ALKBH1: variants seen among roughly 807,000 people sequenced by gnomAD.
The protein encoded by ALKBH1 is nucleic acid dioxygenase ALKBH1.
A neutral mutation model predicts 36.6 loss-of-function variants in ALKBH1; 31 were observed. That is an observed-to-expected ratio of 0.85 (90% CI 0.64 to 1.14). The LOEUF is 1.14. Among genes scored for constraint, ALKBH1 ranks in the 50% most tolerant of loss-of-function variants. ALKBH1 has a pLI of 0.00. For missense variants in ALKBH1, 490 were observed against 497.3 expected, an observed-to-expected ratio of 0.99 and a Z score of 0.14; for synonymous variants, 183 against 186.6, an observed-to-expected ratio of 0.98 and a Z score of 0.16.
intron 1 of ALKBH1, among the ~76,000 whole-genome samples, chr14:77,707,393 C>G (rs2080400333): frequency 6.6e-6 from 1 of 152,220 alleles, no homozygotes; most frequent in Non-Finnish European, 1.5e-5. Context: ...GAGGAGAAGA[C>G]AGGGACTAGT....
At chr14:77,702,495 G>A (rs1249463993) in intron 2 of ALKBH1, among the ~76,000 whole-genome samples, 1 of 151,704 alleles carries the variant, frequency 6.6e-6, no homozygotes, top group African/African-American at 2.4e-5. Flanking sequence ...ATAGAGTCCT[G>A]GCCATTGGCA....
intron 2 of ALKBH1, among the ~76,000 whole-genome samples, chr14:77,698,731 G>C (rs1281255131): frequency 6.6e-6 from 1 of 152,184 alleles, no homozygotes; most frequent in African/African-American, 2.4e-5. Context: ...GAACTAGATA[G>C]TAAAGACTAG....
chr14:77,683,485 T>C lies in ALKBH1; in HGVS notation c.456-3515A>G, dbSNP rs1052168511. The stretch of plus-strand genomic sequence containing the variant: ...GCTAACAGCATGCTGGGGAACACTG[T>C]AGACTCTTCCAGTTTTGCCATGGCA... On this transcript the variant is annotated intron_variant, in intron 3 of 5. Coordinates refer to ENST00000216489, the MANE Select transcript of ALKBH1 (RefSeq NM_006020.3). 32 of 710,788 alleles carry C rather than the reference T, an allele frequency of 4.5e-5. No homozygotes were observed. In the Admixed American group the frequency reaches 5.9e-4, roughly 13 times the overall value. 44.0% of individuals were successfully genotyped at this position (710,788 alleles called of 1,614,324 possible).
Position 77,679,945 on chromosome 14 carries a change from G to C in ALKBH1, c.481C>G (p.Pro161Ala). ...LRYKEATKRR[P>A]RSLLEKLRWV... ...CGCAGTTTCTCCAGTAAACTTCGGGGTCTCCGTTTAGTCGCTTCTTTATAC... is the reference window on the plus strand; with the variant it reads ...CGCAGTTTCTCCAGTAAACTTCGGGCTCTCCGTTTAGTCGCTTCTTTATAC... Residue 161 changes from proline to alanine, a missense_variant, in exon 4 of 6, where the codon CCC becomes GCC. Transcript: ENST00000216489. The C allele has an allele frequency of 6.2e-7, 1 of 1,614,092 alleles. No individual in the cohort carries two copies. The highest frequency in any genetic ancestry group is 8.5e-7 in the Non-Finnish European group (1 of 1,179,946).
chr14:77,699,696 C>T (rs7144053), intron 2 of ALKBH1, among the ~76,000 whole-genome samples: 145,462 of 152,296 alleles, frequency 0.96, 69,578 homozygotes, highest in Non-Finnish European at 0.97. Context: ...GTTGGATTTG[C>T]GGCCATGGAA....
chr14:77,694,725 T>C lies in ALKBH1; in HGVS notation c.455+13A>G. ...CTGAGTATTAACACTTCATTCTGAT[T>C]GACAAGACTTACCTCAGGAACTCTT... On this transcript the variant is annotated intron_variant, in intron 3 of 5. Coordinates refer to ENST00000216489, the MANE Select transcript of ALKBH1 (RefSeq NM_006020.3). 1 of 1,569,372 alleles carries C rather than the reference T, an allele frequency of 6.4e-7. No homozygotes were observed. Among genetic ancestry groups the C allele is most frequent in the Non-Finnish European group, 8.6e-7 (1 of 1,161,118 alleles).
At chr14:77,695,813 G>C (rs2080323722) in intron 2 of ALKBH1, among the ~76,000 whole-genome samples, 1 of 152,294 alleles carries the variant, frequency 6.6e-6, no homozygotes, top group East Asian at 1.9e-4. Context: ...ATTAATAATA[G>C]GCCGGGCGTG....
In ALKBH1 at chr14:77,673,754, T is replaced by C. The variant is rs1459526783; in HGVS notation, c.*58A>G. Reference sequence around the variant, plus strand: ...TGCTGAAGTCCACGGCAATACACAATAACATGATCATTTACGGTAAGCAGG... The same window carrying C: ...TGCTGAAGTCCACGGCAATACACAACAACATGATCATTTACGGTAAGCAGG... On this transcript the variant is annotated 3_prime_UTR_variant, in exon 6 of 6. Coordinates refer to ENST00000216489, the MANE Select transcript of ALKBH1 (RefSeq NM_006020.3). The C allele has an allele frequency of 5.2e-6, 8 of 1,534,472 alleles. No individual in the cohort carries two copies. Among genetic ancestry groups the C allele is most frequent in the Non-Finnish European group, 7.1e-6 (8 of 1,128,882 alleles).
chr14:77,692,892 A>C (rs959081115), intron 3 of ALKBH1, among the ~76,000 whole-genome samples: 1 of 144,840 alleles, frequency 6.9e-6, no homozygotes, highest in African/African-American at 2.6e-5. Flanking sequence ...ACACACCACT[A>C]TGCCCAGCTA....
chr14:77,679,804 G>T, intron 4 of ALKBH1, 76 bp downstream of exon 4: 1 of 1,099,012 alleles, frequency 9.1e-7, no homozygotes, highest in Non-Finnish European at 1.4e-6. Flanking sequence ...CTTAAGCGTG[G>T]TTAGGAAGAA....
At chr14:77,675,234 A>G (rs2080198345) in intron 5 of ALKBH1, among the ~76,000 whole-genome samples, 1 of 151,756 alleles carries the variant, frequency 6.6e-6, no homozygotes, top group African/African-American at 2.4e-5. Flanking sequence ...GGAGTTCATG[A>G]CCAGCCTGGG....
chr14:77,696,124 G>T (rs2080325482), intron 2 of ALKBH1, among the ~76,000 whole-genome samples: 1 of 152,144 alleles, frequency 6.6e-6, no homozygotes, highest in Admixed American at 6.5e-5. Flanking sequence ...TATTTAACTG[G>T]AATCCTACGC....
chr14:77,680,677 C>CTTTTTTTTTTTTTT (rs1555383644), intron 3 of ALKBH1, among the ~76,000 whole-genome samples: 5 of 124,334 alleles, frequency 4.0e-5, no homozygotes, highest in African/African-American at 9.6e-5. Flanking sequence ...ATTAACTACT[C>CTTTTTTTTTTTTTT]TTTTTTTTTT....
Position 77,674,047 on chromosome 14 carries a change from A to G in ALKBH1, c.935T>C (p.Val312Ala), listed in dbSNP as rs1233075069. ...PHCLEAPLPA[V>A]LPRDSMVEPC... is the part of the protein sequence containing the mutation. Reference sequence around the variant, plus strand: ...CTCTACCATTGAATCTCTCGGGAGGACAGCAGGGAGAGGTGCCTCTAGGCA... The same window carrying G: ...CTCTACCATTGAATCTCTCGGGAGGGCAGCAGGGAGAGGTGCCTCTAGGCA... Residue 312 changes from valine to alanine, a missense_variant, in exon 6 of 6, where the codon GTC becomes GCC. By Grantham distance (64) the Val-to-Ala change is moderately conservative. Coordinates refer to ENST00000216489, the MANE Select transcript of ALKBH1 (RefSeq NM_006020.3). 1 of 1,614,154 alleles carries G rather than the reference A, an allele frequency of 6.2e-7. No individual in the cohort carries two copies. Among genetic ancestry groups the G allele is most frequent in the Admixed American group, 1.7e-5 (1 of 60,008 alleles).
chr14:77,701,507 T>G (rs1479133811), intron 2 of ALKBH1, among the ~76,000 whole-genome samples: 1 of 152,140 alleles, frequency 6.6e-6, no homozygotes, highest in Non-Finnish European at 1.5e-5. Context: ...TGTTTAATGC[T>G]GTCAAGTTCC....
chr14:77,702,250 G>T (rs1400305904), intron 2 of ALKBH1, among the ~76,000 whole-genome samples: 1 of 152,108 alleles, frequency 6.6e-6, no homozygotes, highest in Non-Finnish European at 1.5e-5. Context: ...GCAGTGAGCG[G>T]AGATCACACC....
At chr14:77,697,609 C>T (rs567190714) in intron 2 of ALKBH1, among the ~76,000 whole-genome samples, 4 of 146,734 alleles carry the variant, frequency 2.7e-5, no homozygotes, top group Admixed American at 7.1e-5. Context: ...ATTATTTATA[C>T]GTTAATAGGT....
chr14:77,695,922 G>A (rs538208923), intron 2 of ALKBH1, among the ~76,000 whole-genome samples: 3 of 151,986 alleles, frequency 2.0e-5, no homozygotes, highest in Non-Finnish European at 2.9e-5. Flanking sequence ...TGGTGAAACC[G>A]TCTGTACTAA....
At chr14:77,687,563 T>C (rs963349868) in intron 3 of ALKBH1, among the ~76,000 whole-genome samples, 2 of 152,080 alleles carry the variant, frequency 1.3e-5, no homozygotes, top group Non-Finnish European at 2.9e-5. Context: ...CCTCACTCTC[T>C]CCCCTCACCA....
Sources: allele counts gnomAD v4.1 joint callset (sites outside exome capture counted in the v4.1 genomes callset), GRCh38; gene constraint gnomAD v4.1.1; transcripts MANE v1.5; gene names NCBI Gene and HGNC (gene_info 2026-07-23, HGNC 2026-07-21).